SPOUT1: variants seen among roughly 807,000 people sequenced by gnomAD.
SPOUT1 encodes 28S rRNA (uridine-N(3))-methyltransferase.
Under a neutral mutation model 54.8 loss-of-function variants are expected in SPOUT1, and 40 were observed. The observed-to-expected ratio is 0.73, with a 90% CI of 0.57 to 0.95. SPOUT1 has a LOEUF of 0.95. Among genes scored for constraint, SPOUT1 ranks in the 40% least tolerant of loss-of-function variants. SPOUT1 has a pLI of 0.00. For missense variants in SPOUT1, 437 were observed against 499.5 expected, an observed-to-expected ratio of 0.87 and a Z score of 1.19; for synonymous variants, 193 against 200.3, an observed-to-expected ratio of 0.96 and a Z score of 0.31.
intron 11 of SPOUT1, among the ~76,000 whole-genome samples, chr9:128,823,429 C>T (rs569243586): frequency 3.2e-4 from 49 of 152,296 alleles, no homozygotes; most frequent in African/African-American, 1.2e-3. Flanking sequence ...ACCGTGGTCA[C>T]ACACAAGGAA....
intron 3 of SPOUT1, among the ~76,000 whole-genome samples, chr9:128,827,979 T>C (rs1830273977): frequency 1.3e-5 from 2 of 152,208 alleles, no homozygotes; most frequent in African/African-American, 4.8e-5. Context: ...TGTTGTAACA[T>C]TGTATCTGTA....
At chr9:128,829,024 G>A (rs1363987167) in intron 2 of SPOUT1, 86 bp downstream of exon 2, 9 of 1,511,690 alleles carry the variant, frequency 6.0e-6, no homozygotes, top group Non-Finnish European at 8.3e-6. Flanking sequence ...GACCCAGAGG[G>A]AACAAAGTTG....
rs1830211595 is a variant in SPOUT1 at position 128,825,034 on chromosome 9, T to C, written c.655A>G (p.Lys219Glu). 3 of 1,573,512 alleles carry C rather than the reference T, an allele frequency of 1.9e-6. No individual in the cohort carries two copies. The African/African-American group carries it at 4.0e-5, about 21-fold the overall frequency. ...ACCCGAAGCCCGGGCTCCAGGTTCTTGTCAATCTTCACCTCCTGGGGAGAA... is the reference window on the plus strand; with the variant it reads ...ACCCGAAGCCCGGGCTCCAGGTTCTCGTCAATCTTCACCTCCTGGGGAGAA... ...CGMKKEVKID[K>E]NLEPGLRVTV... is the part of the protein sequence containing the mutation. Residue 219 changes from lysine to glutamate, a missense_variant, in exon 8 of 12, where the codon AAG becomes GAG. By Grantham distance (56) the Lys-to-Glu change is moderately conservative. Transcript: ENST00000361256.
rs1395841887 is a variant in SPOUT1, at chr9:128,824,125, G to A, written c.861C>T (p.Ile287=). The change falls in exon 10 of 12, where the codon ATC becomes ATT. Residue 287 remains isoleucine (I), a synonymous_variant. Transcript: ENST00000361256. ...CATCTGAGCCGCGCTCTGACGTCCC[G>A]ATGGTCAGGTCATACCCATCTTGGA... ...APFQDGYDLT[I]GTSERGSDVA... 6.2e-6 allele frequency: 10 copies of A among 1,613,658 alleles called. No homozygotes were observed. The highest frequency in any genetic ancestry group is 5.0e-5 in the Admixed American group (3 of 60,002).
At position 128,826,187 on chromosome 9, in the gene SPOUT1, G is replaced by C. The variant is rs565899820; in HGVS notation, c.509-35C>G. On this transcript the variant is annotated intron_variant, in intron 6 of 11. Coordinates refer to ENST00000361256, the MANE Select transcript of SPOUT1 (RefSeq NM_016390.4). This position sits in a 1 kb window ranked among gnomAD's most constrained non-coding sequence, Gnocchi z 5.5. Reference sequence around the variant, plus strand: ...CAGAGCCGGGAAGAGTCTGGGAAGTGCTAGGGCACACAGGGTGCAGTGGGG... The same window carrying C: ...CAGAGCCGGGAAGAGTCTGGGAAGTCCTAGGGCACACAGGGTGCAGTGGGG... The C allele has an allele frequency of 6.3e-7, 1 of 1,584,082 alleles. No homozygotes were observed. Among genetic ancestry groups the C allele is most frequent in the Non-Finnish European group, 8.6e-7 (1 of 1,164,914 alleles).
At chr9:128,829,421 T>C (rs919857648) in intron 1 of SPOUT1, among the ~76,000 whole-genome samples, 6 of 152,042 alleles carry the variant, frequency 3.9e-5, no homozygotes, top group African/African-American at 7.2e-5. Context: ...AGGCTCAGGG[T>C]ACAGCACTGC....
In SPOUT1 at chr9:128,827,063, C is replaced by A; in HGVS notation, c.337G>T (p.Val113Leu). 1 of 1,614,124 alleles carries A rather than the reference C, an allele frequency of 6.2e-7. No individual in the cohort carries two copies. The highest frequency in any genetic ancestry group is 8.5e-7 in the Non-Finnish European group (1 of 1,180,028). ...TCCTGGCCCTCCTCATCAAACACCA[C>A]GATCTCATCCACACAGAAGATGGCA... ...ACAIFCVDEI[V>L]VFDEEGQDAK... is the part of the protein sequence containing the mutation. The change falls in exon 4 of 12, where the codon GTG becomes TTG. Residue 113 changes from valine (V) to leucine (L), a missense_variant. By Grantham distance (32) the Val-to-Leu change is conservative. Transcript: ENST00000361256.
In SPOUT1 at chr9:128,820,788, G is replaced by A. The variant is rs145739062; in HGVS notation, c.*1977C>T. The A allele has an allele frequency of 2.4e-4, 395 of 1,612,358 alleles. No individual in the cohort carries two copies. Among genetic ancestry groups the A allele is most frequent in the African/African-American group, 2.1e-3 (157 of 74,946 alleles). On this transcript the variant is annotated 3_prime_UTR_variant, in exon 12 of 12. Coordinates refer to ENST00000361256, the MANE Select transcript of SPOUT1 (RefSeq NM_016390.4). ...TGGAACAACCTGGAGAAATATAGCC[G>A]CAGCTTGACCCGCAGCTACCAAAAC...
chr9:128,822,472 A>C lies in SPOUT1; in HGVS notation c.*293T>G, dbSNP rs749415556. The C allele has an allele frequency of 2.5e-6, 4 of 1,571,738 alleles. No individual in the cohort carries two copies. Among genetic ancestry groups the C allele is most frequent in the Non-Finnish European group, 3.5e-6 (4 of 1,158,194 alleles). ...TCCGCACCTACGTGATGCCCAACGC[A>C]CCTGTGGATGAGGCCATCCCACTGG... On this transcript the variant is annotated 3_prime_UTR_variant, in exon 12 of 12. Coordinates refer to ENST00000361256, the MANE Select transcript of SPOUT1 (RefSeq NM_016390.4).
At position 128,826,260 on chromosome 9, in the gene SPOUT1, C is replaced by A; in HGVS notation, c.509-108G>T. On this transcript the variant is annotated intron_variant, in intron 6 of 11. Coordinates refer to ENST00000361256, the MANE Select transcript of SPOUT1 (RefSeq NM_016390.4). The surrounding 1 kb of genome is among the most constrained non-coding windows in gnomAD (Gnocchi z 5.5). ...CTGCCACAGACCTGCGTCTTGGCATCAGACACAGGTCTTGCTCTCCCAGGC... is the reference window on the plus strand; with the variant it reads ...CTGCCACAGACCTGCGTCTTGGCATAAGACACAGGTCTTGCTCTCCCAGGC... 1 of 1,543,614 alleles carries A rather than the reference C, an allele frequency of 6.5e-7. No homozygotes were observed. Among genetic ancestry groups the A allele is most frequent in the South Asian group, 1.1e-5 (1 of 87,504 alleles).
chr9:128,825,027 A>G lies in SPOUT1; in HGVS notation c.662T>C (p.Leu221Pro), dbSNP rs529786781. The change falls in exon 8 of 12, where the codon CTG (leucine) becomes CCG (proline). Residue 221 changes from leucine to proline, a missense_variant. Physicochemically the swap from Leu to Pro is moderately conservative, Grantham distance 98 (BLOSUM62 -3). Transcript: ENST00000361256. ...CACAGTCACCCGAAGCCCGGGCTCC[A>G]GGTTCTTGTCAATCTTCACCTCCTG... ...MKKEVKIDKNLEPGLRVTVRL... is the reference protein window; with the variant it reads ...MKKEVKIDKNPEPGLRVTVRL... 5 of 1,576,278 alleles carry G rather than the reference A, an allele frequency of 3.2e-6. No homozygotes were observed. The highest frequency in any genetic ancestry group is 3.7e-5 in the Admixed American group (2 of 53,778).
In SPOUT1 at chr9:128,826,294, C is replaced by T. The variant is rs1191779142; in HGVS notation, c.508+90G>A. ...GTCTTGCTCTCCCAGGCCTGCTTTC[C>T]CACCTGGACAGCGCAGGGTAGGACT... On this transcript the variant is annotated intron_variant, in intron 6 of 11. Coordinates refer to ENST00000361256, the MANE Select transcript of SPOUT1 (RefSeq NM_016390.4). The surrounding 1 kb of genome is among the most constrained non-coding windows in gnomAD (Gnocchi z 5.5). The T allele has an allele frequency of 1.1e-5, 17 of 1,568,600 alleles. No individual in the cohort carries two copies. Among genetic ancestry groups the T allele is most frequent in the Non-Finnish European group, 1.8e-6 (2 of 1,139,710 alleles).
Position 128,829,159 on chromosome 9 carries a change from G to A in SPOUT1, c.37-4C>T. 1 of 1,613,460 alleles carries A rather than the reference G, an allele frequency of 6.2e-7. No individual in the cohort carries two copies. The highest frequency in any genetic ancestry group is 8.5e-7 in the Non-Finnish European group (1 of 1,179,386). ...CAATCCTTTGGCCGTGTTCACCCTG[G>A]AGAAGGAGTGGTAGGAGGATTATGA... On this transcript the variant is annotated splice_polypyrimidine_tract_variant and splice_region_variant and intron_variant, in intron 1 of 11. Transcript: ENST00000361256.
At position 128,822,099 on chromosome 9, in the gene SPOUT1, T is replaced by G. The variant is rs1319718465; in HGVS notation, c.*666A>C. The G allele has an allele frequency of 8.5e-6, 5 of 586,212 alleles. No homozygotes were observed. In the Admixed American group the frequency reaches 1.5e-4, roughly 18 times the overall value. 36.3% of individuals were successfully genotyped at this position (586,212 alleles called of 1,614,324 possible). A position where few individuals can be genotyped will look rare whatever the true frequency, so the allele number is the denominator to read the frequency against. ...CCTAGCAGCGTTTATTGTCGCCCAC[T>G]CTGCCTGACCCAGTGTTGGGCATAA... is the stretch of plus-strand genomic sequence containing the variant. On this transcript the variant is annotated 3_prime_UTR_variant, in exon 12 of 12. Transcript: ENST00000361256.
In SPOUT1 at chr9:128,822,728, C is replaced by G; in HGVS notation, c.*37G>C. The G allele has an allele frequency of 6.4e-7, 1 of 1,557,712 alleles. No individual in the cohort carries two copies. The highest frequency in any genetic ancestry group is 2.4e-5 in the East Asian group (1 of 41,610). ...GTGACCTGCAGAGCCCCTGGTTTCA[C>G]TGCTGCTTCACTGATGTCCTCGGCC... On this transcript the variant is annotated 3_prime_UTR_variant, in exon 12 of 12. Coordinates refer to ENST00000361256, the MANE Select transcript of SPOUT1 (RefSeq NM_016390.4).
rs1377614527 is a variant in SPOUT1, at chr9:128,824,138, T to C, written c.848A>G (p.Tyr283Cys). The C allele has an allele frequency of 1.2e-6, 2 of 1,613,466 alleles. No homozygotes were observed. Among genetic ancestry groups the C allele is most frequent in the Admixed American group, 3.3e-5 (2 of 59,984 alleles). ...VFAEAPFQDGYDLTIGTSERG... is the reference protein window; with the variant it reads ...VFAEAPFQDGCDLTIGTSERG... Reference sequence around the variant, plus strand: ...CTCTGACGTCCCGATGGTCAGGTCATACCCATCTTGGAAGGGGGCCTCAGC... The same window carrying C: ...CTCTGACGTCCCGATGGTCAGGTCACACCCATCTTGGAAGGGGGCCTCAGC... Residue 283 changes from tyrosine to cysteine, a missense_variant, in exon 10 of 12, where the codon TAT (tyrosine) becomes TGT (cysteine). Tyr to Cys is a radical substitution (Grantham distance 194, BLOSUM62 -2). Transcript: ENST00000361256.
At chr9:128,823,600 G>T (rs954865575) in intron 11 of SPOUT1, 147 bp downstream of exon 11, 2 of 673,990 alleles carry the variant, frequency 3.0e-6, no homozygotes, top group Non-Finnish European at 5.0e-6. Context: ...TCTCGTCGCT[G>T]TGGCAAGAGG....
Position 128,822,458 on chromosome 9 carries a change from G to C in SPOUT1, c.*307C>G, listed in dbSNP as rs750663648. The C allele has an allele frequency of 6.3e-7, 1 of 1,580,806 alleles. No individual in the cohort carries two copies. The highest frequency in any genetic ancestry group is 8.6e-7 in the Non-Finnish European group (1 of 1,163,132). On this transcript the variant is annotated 3_prime_UTR_variant, in exon 12 of 12. Coordinates refer to ENST00000361256, the MANE Select transcript of SPOUT1 (RefSeq NM_016390.4). Reference sequence around the variant, plus strand: ...TGGGCAAATTGAGCTCCGCACCTACGTGATGCCCAACGCACCTGTGGATGA... The same window carrying C: ...TGGGCAAATTGAGCTCCGCACCTACCTGATGCCCAACGCACCTGTGGATGA...
rs1435339135 is a variant in SPOUT1 at position 128,824,191 on chromosome 9, C to T, written c.812-17G>A. The T allele has an allele frequency of 2.6e-6, 4 of 1,527,420 alleles. No homozygotes were observed. The highest frequency in any genetic ancestry group is 2.7e-6 in the Non-Finnish European group (3 of 1,103,062). The allele number at this position is 1,527,420 out of a possible 1,614,324, so 94.6% of individuals were successfully genotyped here. A position where few individuals can be genotyped will look rare whatever the true frequency, so the allele number is the denominator to read the frequency against. On this transcript the variant is annotated splice_polypyrimidine_tract_variant and intron_variant, in intron 9 of 11. Coordinates refer to ENST00000361256, the MANE Select transcript of SPOUT1 (RefSeq NM_016390.4). ...ACACAGCACCTGGGGGTGGGGCCAG[C>T]TCAGTGCAGGTCCTGCTCCCCACAA... is the stretch of plus-strand genomic sequence containing the variant.
Sources: allele counts gnomAD v4.1 joint callset (sites outside exome capture counted in the v4.1 genomes callset), GRCh38; gene constraint gnomAD v4.1.1; non-coding constraint Gnocchi (gnomAD v3.1); transcripts MANE v1.5; gene names NCBI Gene and HGNC (gene_info 2026-07-23, HGNC 2026-07-21).